ARL5C: variants seen among roughly 807,000 people sequenced by gnomAD.
ARL5C encodes ARF like GTPase 5C.
ARL5C carries 21 observed loss-of-function variants against 20.8 expected under a neutral mutation model. The observed-to-expected ratio is 1.01, with a 90% CI of 0.72 to 1.46. ARL5C has a LOEUF of 1.46. Among genes scored for constraint, ARL5C ranks in the 40% most tolerant of loss-of-function variants. The probability of loss-of-function intolerance (pLI) is 0.00; values close to 1 mark genes in which losing one functional copy is unlikely to be tolerated. For synonymous variants in ARL5C, 71 were observed against 81.6 expected (o/e 0.87, Z 0.70); for missense variants, 199 against 225.1 (o/e 0.88, Z 0.74).
At chr17:39,161,458 C>T in intron 3 of ARL5C, 107 bp from the exon 4 acceptor site, 1 of 951,608 alleles carries the variant, frequency 1.1e-6, no homozygotes, top group Non-Finnish European at 1.6e-6. Context: ...ATGTCAGCCC[C>T]AGAGAAATGA....
chr17:39,158,125 G>GAGGAAGGAAGGA (rs1194130447), intron 5 of ARL5C, among the ~76,000 whole-genome samples: 1 of 116,464 alleles, frequency 8.6e-6, no homozygotes, highest in African/African-American at 3.3e-5. Flanking sequence ...GGGAGGGAGG[G>GAGGAAGGAAGGA]AGGGAGGAAG....
In ARL5C at chr17:39,165,906, C is replaced by T. The variant is rs1428645240; in HGVS notation, c.-146G>A. On this transcript the variant is annotated 5_prime_UTR_variant, in exon 1 of 6. Transcript: ENST00000269586. ...GAAGCCCCACACGTCACCAACCTGA[C>T]CTGGGAACCCTCTGGGACGCTGGCC... The T allele has an allele frequency of 2.2e-5, 20 of 893,776 alleles. No individual in the cohort carries two copies. Among genetic ancestry groups the T allele is most frequent in the Admixed American group, 4.5e-5 (2 of 44,756 alleles). The allele number at this position is 893,776 out of a possible 1,614,324, so 55.4% of individuals were successfully genotyped here.
At chr17:39,156,841 C>A (rs1211123304), downstream of ARL5C, 10 of 1,544,358 alleles carry the variant, frequency 6.5e-6, no homozygotes, top group Admixed American at 2.0e-5. Flanking sequence ...GATTTTCCAC[C>A]CATGTTGACC....
chr17:39,164,493 T>G (rs1422809755), intron 2 of ARL5C, among the ~76,000 whole-genome samples: 1 of 152,174 alleles, frequency 6.6e-6, no homozygotes, highest in Admixed American at 6.5e-5. Flanking sequence ...ATTCCTCCAT[T>G]GTTTGAAATT....
At chr17:39,162,211 CTG>C (rs1393069849) in intron 3 of ARL5C, among the ~76,000 whole-genome samples, 1 of 152,184 alleles carries the variant, frequency 6.6e-6, no homozygotes, top group African/African-American at 2.4e-5. Flanking sequence ...AGGCACTGCA[CTG>C]TGTTGAGTAT....
chr17:39,163,366 C>CTTTCTTTCTTTCTTTCTTTCTT (rs2045445641), intron 2 of ARL5C, among the ~76,000 whole-genome samples: 1 of 128,912 alleles, frequency 7.8e-6, no homozygotes, highest in Admixed American at 7.2e-5. Flanking sequence ...TTCTTTCTTT[C>CTTTCTTTCTTTCTTTCTTTCTT]TTTCTTTCTT....
At chr17:39,160,860 T>A in intron 4 of ARL5C, 118 bp from the exon 5 acceptor site, 1 of 1,250,798 alleles carries the variant, frequency 8.0e-7, no homozygotes, top group Non-Finnish European at 1.1e-6. Flanking sequence ...GGCCCATGCC[T>A]GGATGGGGCA....
chr17:39,160,432 CCCA>C (rs771677129), intron 5 of ARL5C, 156 bp downstream of exon 5: 20 of 775,604 alleles, frequency 2.6e-5, no homozygotes, highest in Admixed American at 8.6e-5. Flanking sequence ...TTGTGGCTTA[CCCA>C]CCACATCTCA....
chr17:39,159,037 T>TG (rs973448154), intron 5 of ARL5C, among the ~76,000 whole-genome samples: 1 of 127,766 alleles, frequency 7.8e-6, no homozygotes, highest in Non-Finnish European at 1.7e-5. Flanking sequence ...TTTTTTTTTT[T>TG]TTTTTTTTTT....
intron 5 of ARL5C, among the ~76,000 whole-genome samples, chr17:39,159,022 GTTTTTTTTTTTTTTTT>G (rs869126572): frequency 1.9e-5 from 1 of 52,456 alleles, no homozygotes; most frequent in Non-Finnish European, 3.5e-5. Context: ...TTTATCACTT[GTTTTTTTTTTTTTTTT>G]TTTTTTTTTT....
At chr17:39,158,254 G>A (rs2045416956) in intron 5 of ARL5C, among the ~76,000 whole-genome samples, 1 of 152,172 alleles carries the variant, frequency 6.6e-6, no homozygotes, top group Admixed American at 6.5e-5. Flanking sequence ...CCAGCGGGTG[G>A]CAAGGACACT....
Position 39,160,649 on chromosome 17 carries a change from T to C in ARL5C, c.433A>G (p.Ser145Gly). The C allele has an allele frequency of 1.9e-6, 3 of 1,548,722 alleles. No homozygotes were observed. The highest frequency in any genetic ancestry group is 2.6e-6 in the Non-Finnish European group (3 of 1,145,806). The change falls in exon 5 of 6, where the codon AGC becomes GGC. Residue 145 changes from serine (S) to glycine (G), a missense_variant. Physicochemically the swap from Ser to Gly is moderately conservative, Grantham distance 56. Coordinates refer to ENST00000269586, the MANE Select transcript of ARL5C (RefSeq NM_001143968.1). ...MVEISHFLTLSTIKDHSWHIQ... is the reference protein window; with the variant it reads ...MVEISHFLTLGTIKDHSWHIQ... ...TGCCACGAGTGGTCTTTGATGGTGC[T>C]GAGAGTAAGGAAATGGGAGATCTCC... is the stretch of plus-strand genomic sequence containing the variant.
intron 3 of ARL5C, among the ~76,000 whole-genome samples, chr17:39,161,632 G>A (rs567333422): frequency 2.0e-5 from 3 of 151,810 alleles, no homozygotes; most frequent in Non-Finnish European, 4.4e-5. Flanking sequence ...TCCCACCTCA[G>A]CCTCCCAAGT....
At chr17:39,163,350 CTTT>C (rs2045444822) in intron 2 of ARL5C, among the ~76,000 whole-genome samples, 1 of 94,924 alleles carries the variant, frequency 1.1e-5, no homozygotes, top group Non-Finnish European at 1.9e-5. Context: ...TTTTGCCTTT[CTTT>C]CTTTCTTTCT....
chr17:39,162,514 T>A (rs374670030), intron 3 of ARL5C, among the ~76,000 whole-genome samples, 197 bp downstream of exon 3: 7 of 152,162 alleles, frequency 4.6e-5, no homozygotes, highest in Admixed American at 2.6e-4. Flanking sequence ...TTGGCCAGGC[T>A]GGTTTCGAAC....
At chr17:39,162,907 A>C in intron 2 of ARL5C, 49 bp from the exon 3 acceptor site, 2 of 1,535,456 alleles carry the variant, frequency 1.3e-6, no homozygotes, top group Non-Finnish European at 1.8e-6. Flanking sequence ...CCTACTCCCA[A>C]CTCTGGCCCC....
intron 3 of ARL5C, 73 bp downstream of exon 3, chr17:39,162,638 T>C: frequency 6.7e-7 from 1 of 1,489,936 alleles, no homozygotes; most frequent in Non-Finnish European, 9.0e-7. Flanking sequence ...GAACCAAGGC[T>C]CAGAAAGGTT....
chr17:39,159,106 A>G (rs1022774887), intron 5 of ARL5C, among the ~76,000 whole-genome samples: 4 of 125,690 alleles, frequency 3.2e-5, no homozygotes, highest in African/African-American at 1.3e-4. Flanking sequence ...GTCAGAGCTC[A>G]GTGCAGCCTG....
intron 3 of ARL5C, among the ~76,000 whole-genome samples, chr17:39,162,071 T>C (rs2045437907): frequency 6.6e-6 from 1 of 152,072 alleles, no homozygotes; most frequent in South Asian, 2.1e-4. Flanking sequence ...GTCCAGGAAT[T>C]ATACCACTGA....
Sources: gnomAD v4.1 joint callset for allele counts (sites outside exome capture counted in the v4.1 genomes callset) on GRCh38, gnomAD v4.1.1 for gene constraint, MANE v1.5 for transcripts, NCBI Gene and HGNC (gene_info 2026-07-23, HGNC 2026-07-21) for gene names.